MSRA: variants seen among roughly 807,000 people sequenced by gnomAD.
MSRA encodes mitochondrial peptide methionine sulfoxide reductase.
In MSRA, 54 loss-of-function variants were observed where a neutral mutation model predicts 31.3. That is an observed-to-expected ratio of 1.73 (90% CI 1.39 to 2.17). The LOEUF (loss-of-function observed/expected upper bound fraction) is 2.17. Ranked by LOEUF, MSRA falls within the 30% of genes most tolerant of loss-of-function variation. The pLI, the probability that MSRA is intolerant of heterozygous loss-of-function variation, is 0.00. For synonymous variants in MSRA, 169 were observed against 116.5 expected, an observed-to-expected ratio of 1.45 and a Z score of -2.90; for missense variants, 507 against 300.9, an observed-to-expected ratio of 1.69 and a Z score of -5.07.
At chr8:10,214,810 A>G (rs62491579) in intron 2 of MSRA, among the ~76,000 whole-genome samples, 29,336 of 152,188 alleles carry the variant, frequency 0.19, 3,282 homozygotes, top group Admixed American at 0.26. Flanking sequence ...GTCATTGGAG[A>G]CATAGTTTAA....
At chr8:10,228,795 A>G (rs1811217127) in intron 2 of MSRA, among the ~76,000 whole-genome samples, 1 of 152,170 alleles carries the variant, frequency 6.6e-6, no homozygotes, top group Non-Finnish European at 1.5e-5. Flanking sequence ...TTGTAGGGTT[A>G]TCACCGGATT....
chr8:10,137,238 G>A (rs897170964), intron 1 of MSRA, among the ~76,000 whole-genome samples: 3 of 152,036 alleles, frequency 2.0e-5, no homozygotes, highest in Non-Finnish European at 2.9e-5. Context: ...TTTATTTCTC[G>A]ACTTAAAAGC....
intron 1 of MSRA, among the ~76,000 whole-genome samples, chr8:10,109,468 A>G (rs1441576650): frequency 2.0e-5 from 3 of 151,760 alleles, no homozygotes; most frequent in Non-Finnish European, 4.4e-5. Context: ...CAGCCTCCCA[A>G]TTAGCTGGGG....
chr8:10,181,166 A>G (rs1364520967), intron 1 of MSRA, among the ~76,000 whole-genome samples: 1 of 152,228 alleles, frequency 6.6e-6, no homozygotes. Context: ...AAGCAGATAT[A>G]TTATAATTTC....
intron 3 of MSRA, among the ~76,000 whole-genome samples, chr8:10,266,556 G>C (rs1269428833): frequency 6.6e-6 from 1 of 151,322 alleles, no homozygotes; most frequent in Non-Finnish European, 1.5e-5. Context: ...TCTCTTAACA[G>C]TGTTTTTTGA....
In MSRA at chr8:10,276,349, G is replaced by A. The variant is rs139894961; in HGVS notation, c.332-25185G>A. ...TGGGCTGCCTTGTAATTGTTACAGGGCCCTTTCAGTTTCTTGCAATTTCCT... is the reference window on the plus strand; with the variant it reads ...TGGGCTGCCTTGTAATTGTTACAGGACCCTTTCAGTTTCTTGCAATTTCCT... On this transcript the variant is annotated intron_variant, in intron 3 of 5. Transcript: ENST00000317173. 3.3e-5 allele frequency among the ~76,000 whole-genome samples: 5 copies of A among 152,242 alleles called. No homozygotes were observed. In the East Asian group the frequency reaches 9.6e-4, roughly 29 times the overall value.
chr8:10,057,803 C>T (rs1359751761), intron 1 of MSRA, among the ~76,000 whole-genome samples: 1 of 152,186 alleles, frequency 6.6e-6, no homozygotes, highest in Non-Finnish European at 1.5e-5. Context: ...CTGAGGCCTC[C>T]CTGGCCATGC....
chr8:10,076,888 C>A (rs187425888), intron 1 of MSRA, among the ~76,000 whole-genome samples: 2 of 151,644 alleles, frequency 1.3e-5, no homozygotes, highest in African/African-American at 4.8e-5. Context: ...AGAGCATACA[C>A]TGGGGCCGGG....
chr8:10,207,562 C>T (rs745827309), intron 1 of MSRA, among the ~76,000 whole-genome samples: 21 of 152,126 alleles, frequency 1.4e-4, no homozygotes, highest in Non-Finnish European at 2.5e-4. Flanking sequence ...CCTTCAGGCC[C>T]GGCTGGGTCT....
rs140810300 is a variant in MSRA at position 10,142,550 on chromosome 8, T to A, written c.143-65283T>A. ...TTTCTGACAAAGGTGAAGCTCTGAT[T>A]TTTCCCCTCTCCTGGAAGGAGGAAT... is the stretch of plus-strand genomic sequence containing the variant. On this transcript the variant is annotated intron_variant, in intron 1 of 5. Coordinates refer to ENST00000317173, the MANE Select transcript of MSRA (RefSeq NM_012331.5). 9.9e-3 allele frequency among the ~76,000 whole-genome samples: 1,502 copies of A among 152,338 alleles called. 9 individuals carry two copies. The highest frequency in any genetic ancestry group is 0.016 in the South Asian group (78 of 4,834).
chr8:10,416,514 T>A (rs1808469112), intron 5 of MSRA, among the ~76,000 whole-genome samples: 1 of 152,214 alleles, frequency 6.6e-6, no homozygotes, highest in Non-Finnish European at 1.5e-5. Flanking sequence ...CATGGCTGGT[T>A]ACTGTGGCAA....
intron 2 of MSRA, among the ~76,000 whole-genome samples, chr8:10,227,652 G>C (rs1811111343): frequency 6.6e-6 from 1 of 152,176 alleles, no homozygotes; most frequent in African/African-American, 2.4e-5. Flanking sequence ...GTACAGTGGA[G>C]TGTACACGTG....
At chr8:10,398,390 CGA>C (rs1807235746) in intron 5 of MSRA, among the ~76,000 whole-genome samples, 1 of 152,194 alleles carries the variant, frequency 6.6e-6, no homozygotes, top group Non-Finnish European at 1.5e-5. Context: ...GGTCCCTTGC[CGA>C]GAGAGACCTT....
chr8:10,389,580 T>C lies in MSRA; in HGVS notation c.544-38568T>C, dbSNP rs910652656. Reference sequence around the variant, plus strand: ...TTATGAGAACCACTGACAGGACTCCTTCCCTAGGCATCTTTTCTCTTCTGC... The same window carrying C: ...TTATGAGAACCACTGACAGGACTCCCTCCCTAGGCATCTTTTCTCTTCTGC... On this transcript the variant is annotated intron_variant, in intron 5 of 5. Transcript: ENST00000317173. Among the ~76,000 whole-genome samples, 8 of 152,282 alleles carry C rather than the reference T, an allele frequency of 5.3e-5. No individual in the cohort carries two copies. The East Asian group carries it at 1.5e-3, about 29-fold the overall frequency.
chr8:10,160,252 T>C (rs1039351381), intron 1 of MSRA, among the ~76,000 whole-genome samples: 1 of 152,072 alleles, frequency 6.6e-6, no homozygotes, highest in Non-Finnish European at 1.5e-5. Flanking sequence ...CTCAGCACTT[T>C]GGGAGGCTGA....
At chr8:10,222,918 A>G (rs968706014) in intron 2 of MSRA, among the ~76,000 whole-genome samples, 1 of 152,200 alleles carries the variant, frequency 6.6e-6, no homozygotes, top group Non-Finnish European at 1.5e-5. Flanking sequence ...GTTAATAATA[A>G]TACATTGTAC....
intron 2 of MSRA, among the ~76,000 whole-genome samples, chr8:10,243,746 T>G (rs753950524): frequency 1.8e-4 from 28 of 152,312 alleles, no homozygotes; most frequent in Middle Eastern, 3.4e-3. Context: ...CTAATTTTGG[T>G]GTGAAAATCT....
chr8:10,251,864 G>GA (rs1018575578), intron 3 of MSRA, among the ~76,000 whole-genome samples: 3 of 150,102 alleles, frequency 2.0e-5, no homozygotes, highest in Admixed American at 2.0e-4. Context: ...GACATGGTGG[G>GA]GGGGGGGGGA....
At chr8:10,302,398 G>A (rs1800895870) in intron 4 of MSRA, among the ~76,000 whole-genome samples, 1 of 152,256 alleles carries the variant, frequency 6.6e-6, no homozygotes. Context: ...TGCAATAGAT[G>A]TGGTTTTTCA....
Sources: gnomAD v4.1 joint callset for allele counts (sites outside exome capture counted in the v4.1 genomes callset) on GRCh38, gnomAD v4.1.1 for gene constraint, MANE v1.5 for transcripts, NCBI Gene and HGNC (gene_info 2026-07-23, HGNC 2026-07-21) for gene names.